The following CDC14A variants were observed in gnomAD, a reference collection of about 807,000 sequenced individuals.
The protein encoded by CDC14A is cell division cycle 14A.
In CDC14A, 53 loss-of-function variants were observed where a neutral mutation model predicts 74.4. The observed-to-expected ratio is 0.71, with a 90% CI of 0.57 to 0.89. CDC14A has a LOEUF of 0.89. Among genes scored for constraint, CDC14A ranks in the 40% least tolerant of loss-of-function variants. The probability of loss-of-function intolerance (pLI) is 0.00; values close to 1 mark genes in which losing one functional copy is unlikely to be tolerated. For missense variants in CDC14A, 646 were observed against 713.7 expected (o/e 0.91, Z 1.08); for synonymous variants, 247 against 258.4 (o/e 0.96, Z 0.43).
intron 4 of CDC14A, among the ~76,000 whole-genome samples, chr1:100,398,449 T>A (rs1658832918): frequency 6.6e-6 from 1 of 152,230 alleles, no homozygotes; most frequent in Admixed American, 6.5e-5. Flanking sequence ...TATTGCTTAG[T>A]ATAATTCACT....
chr1:100,405,557 G>A (rs184389017), intron 4 of CDC14A, among the ~76,000 whole-genome samples: 47 of 152,264 alleles, frequency 3.1e-4, no homozygotes, highest in African/African-American at 1.1e-3. Flanking sequence ...GGCACAGTGT[G>A]TGTTGTTCTT....
chr1:100,376,496 G>A (rs976154357), intron 2 of CDC14A, among the ~76,000 whole-genome samples: 2 of 152,104 alleles, frequency 1.3e-5, no homozygotes, highest in African/African-American at 4.8e-5. Context: ...TTTTTGTCTG[G>A]AGGGATGATG....
At chr1:100,457,408 A>ATT (rs1208526159) in intron 8 of CDC14A, among the ~76,000 whole-genome samples, 3 of 152,086 alleles carry the variant, frequency 2.0e-5, no homozygotes, top group African/African-American at 7.2e-5. Context: ...ACTGCATTGC[A>ATT]TTTTGTTCTA....
At chr1:100,425,892 A>G (rs879306055) in intron 5 of CDC14A, among the ~76,000 whole-genome samples, 5 of 152,148 alleles carry the variant, frequency 3.3e-5, no homozygotes, top group Admixed American at 3.3e-4. Flanking sequence ...AGGCAGAGAA[A>G]CTTCAAGCAG....
At chr1:100,489,343 G>A (rs1670380262) in intron 11 of CDC14A, among the ~76,000 whole-genome samples, 2 of 151,840 alleles carry the variant, frequency 1.3e-5, no homozygotes, top group African/African-American at 4.8e-5. Flanking sequence ...TTTTCTATTA[G>A]GACTCTTCCA....
In CDC14A at chr1:100,400,972, A is replaced by G. The variant is rs76064011; in HGVS notation, c.309+10148A>G. ...CATACACAGCTGCACACACAGGCAT[A>G]CATACTCACTGCATTTAGTACTATA... On this transcript the variant is annotated intron_variant, in intron 4 of 15. Transcript: ENST00000336454. 7.2e-5 allele frequency among the ~76,000 whole-genome samples: 11 copies of G among 152,276 alleles called. No homozygotes were observed. In the East Asian group the frequency reaches 1.9e-3, roughly 27 times the overall value.
At chr1:100,491,546 C>CTATATA (rs1300450625) in intron 11 of CDC14A, among the ~76,000 whole-genome samples, 60 of 39,922 alleles carry the variant, frequency 1.5e-3, no homozygotes, top group East Asian at 3.4e-3. Flanking sequence ...CTCTCTCTCT[C>CTATATA]TCTATATATA....
At chr1:100,499,372 C>T (rs188557928) in intron 15 of CDC14A, 110 bp downstream of exon 15, 2 of 1,609,034 alleles carry the variant, frequency 1.2e-6, no homozygotes, top group Non-Finnish European at 1.7e-6. Flanking sequence ...GCCAAGGAAG[C>T]CTTCTGAGCG....
intron 5 of CDC14A, among the ~76,000 whole-genome samples, chr1:100,435,297 T>C (rs893819382): frequency 3.3e-5 from 5 of 152,204 alleles, no homozygotes; most frequent in Non-Finnish European, 7.3e-5. Flanking sequence ...GAGTTACTTG[T>C]TGCTGACATA....
intron 15 of CDC14A, among the ~76,000 whole-genome samples, chr1:100,506,290 CTTTG>C (rs1249439754): frequency 6.6e-6 from 1 of 152,084 alleles, no homozygotes; most frequent in Non-Finnish European, 1.5e-5. Flanking sequence ...CATCCTTCCT[CTTTG>C]TTGTGGCATT....
intron 13 of CDC14A, among the ~76,000 whole-genome samples, chr1:100,497,515 A>G (rs892934235): frequency 3.0e-4 from 46 of 152,368 alleles, no homozygotes; most frequent in African/African-American, 1.1e-3. Context: ...TGATTCACTG[A>G]AGGCTATTCA....
In CDC14A at chr1:100,508,775, TGAATG is replaced by T. The variant is rs1226687813; in HGVS notation, c.1756-9472_1756-9468del. Among the ~76,000 whole-genome samples, 1 of 152,212 alleles carries T rather than the reference TGAATG, an allele frequency of 6.6e-6. No homozygotes were observed. Among genetic ancestry groups the T allele is most frequent in the African/African-American group, 2.4e-5 (1 of 41,462 alleles). On this transcript the variant is annotated intron_variant, in intron 15 of 15. Coordinates refer to ENST00000336454, the MANE Select transcript of CDC14A (RefSeq NM_003672.4). This position sits in a 1 kb window ranked among gnomAD's most constrained non-coding sequence, Gnocchi z 4.4. ...GGGGCTTTCGACCTATGTACCCACA[TGAATG>T]GAACACCCAGCCACTTCTGCAGGCT...
At chr1:100,430,234 C>T (rs1171937670) in intron 5 of CDC14A, among the ~76,000 whole-genome samples, 1 of 152,122 alleles carries the variant, frequency 6.6e-6, no homozygotes, top group Non-Finnish European at 1.5e-5. Flanking sequence ...AAATAGATGG[C>T]TTATCAAATC....
At chr1:100,431,083 A>G (rs930955634) in intron 5 of CDC14A, among the ~76,000 whole-genome samples, 5 of 152,220 alleles carry the variant, frequency 3.3e-5, no homozygotes, top group African/African-American at 1.2e-4. Context: ...ATTTTGAATA[A>G]GTGTACCCCC....
chr1:100,357,483 G>A (rs937348508), intron 2 of CDC14A, among the ~76,000 whole-genome samples: 12 of 152,320 alleles, frequency 7.9e-5, no homozygotes, highest in African/African-American at 2.9e-4. Flanking sequence ...TCTGGAGGAC[G>A]TCCTACAGCG....
rs1395762671 is a variant in CDC14A at position 100,499,057 on chromosome 1, T to G, written c.1550T>G (p.Leu517Trp). ...ACAGCCAGCCCGTTTACCAACCTCT[T>G]GAATGGCAGCTCCCAGCCAACTACC... ...GFTASPFTNL[L>W]NGSSQPTTRN... Residue 517 changes from leucine to tryptophan, a missense_variant, in exon 15 of 16, where the codon TTG (leucine) becomes TGG (tryptophan). Physicochemically the swap from Leu to Trp is moderately conservative, Grantham distance 61. Coordinates refer to ENST00000336454, the MANE Select transcript of CDC14A (RefSeq NM_003672.4). The G allele has an allele frequency of 6.2e-7, 1 of 1,614,008 alleles. No individual in the cohort carries two copies. The highest frequency in any genetic ancestry group is 1.7e-5 in the Admixed American group (1 of 60,010).
chr1:100,413,704 C>T (rs1661170127), intron 4 of CDC14A, among the ~76,000 whole-genome samples: 2 of 152,206 alleles, frequency 1.3e-5, no homozygotes, highest in South Asian at 4.1e-4. Context: ...TTCTTGTTCA[C>T]TTTTCTCCTC....
chr1:100,397,379 C>T (rs1429903508), intron 4 of CDC14A, among the ~76,000 whole-genome samples: 3 of 152,302 alleles, frequency 2.0e-5, no homozygotes, highest in South Asian at 2.1e-4. Flanking sequence ...CAGGGCAACA[C>T]TCAGTGCAGT....
intron 6 of CDC14A, among the ~76,000 whole-genome samples, chr1:100,442,177 G>T (rs1234070534): frequency 6.7e-6 from 1 of 149,830 alleles, no homozygotes; most frequent in East Asian, 1.9e-4. Context: ...TAAATTGTAA[G>T]AGCAGTCAAG....
Sources: gnomAD v4.1 joint callset for allele counts (sites outside exome capture counted in the v4.1 genomes callset) on GRCh38, gnomAD v4.1.1 for gene constraint, Gnocchi (gnomAD v3.1) non-coding constraint, MANE v1.5 for transcripts, NCBI Gene and HGNC (gene_info 2026-07-23, HGNC 2026-07-21) for gene names.